MUC4: variants seen among roughly 807,000 people sequenced by gnomAD.
MUC4 encodes mucin-4.
Under a neutral mutation model 257.9 loss-of-function variants are expected in MUC4, and 202 were observed. The observed-to-expected ratio is 0.78, with a 90% CI of 0.70 to 0.88. The LOEUF is 0.88. Ranked by LOEUF, MUC4 falls within the 40% of genes least tolerant of loss-of-function variation. The pLI, the probability that MUC4 is intolerant of heterozygous loss-of-function variation, is 0.00. For synonymous variants in MUC4, 2,351 were observed against 2,757.1 expected, an observed-to-expected ratio of 0.85 and a Z score of 4.62; for missense variants, 5,976 against 6,513.7, an observed-to-expected ratio of 0.92 and a Z score of 2.84.
rs779286090 is a variant in MUC4, at chr3:195,747,018, G to C, written c.*158C>G. 1 of 1,068,790 alleles carries C rather than the reference G, an allele frequency of 9.4e-7. No individual in the cohort carries two copies. Among genetic ancestry groups the C allele is most frequent in the East Asian group, 2.5e-5 (1 of 40,592 alleles). 66.2% of individuals were successfully genotyped at this position (1,068,790 alleles called of 1,614,324 possible). On this transcript the variant is annotated 3_prime_UTR_variant, in exon 25 of 25. Coordinates refer to ENST00000463781, the MANE Select transcript of MUC4 (RefSeq NM_018406.7). ...CCTGTGCACCTGCGCCTATGGATAA[G>C]GTATAGTCTTGTCTTGATTCCCAGT...
At chr3:195,778,698 T>C in intron 2 of MUC4, 92 bp downstream of exon 2, 5 of 1,407,846 alleles carry the variant, frequency 3.6e-6, no homozygotes, top group South Asian at 1.4e-5. Flanking sequence ...CACCAGGTAA[T>C]GCGAATGCAC....
Position 195,767,492 on chromosome 3 carries a change from T to TCACCAC in MUC4, c.13530-742_13530-741insGTGGTG, listed in dbSNP as rs1560260797. 3.6e-4 allele frequency among the ~76,000 whole-genome samples: 23 copies of TCACCAC among 64,060 alleles called. 1 individual carries two copies. The East Asian group carries it at 0.015, about 41-fold the overall frequency. The allele number at this position is 64,060 out of a possible 152,430, so 42.0% of individuals were successfully genotyped here. On this transcript the variant is annotated intron_variant, in intron 7 of 24. Transcript: ENST00000463781. ...ACCACCATCACCATCACCACCACCA[T>TCACCAC]CACCATCACCACCACCATCACCATC...
In MUC4 at chr3:195,801,389, C is replaced by T. The variant is rs77525733; in HGVS notation, c.83-9892G>A. ...TCTACTTCACTGAAAGAACCAAAGC[C>T]GTGCCCTTCATCTCCTTCAATGCCC... On this transcript the variant is annotated intron_variant, in intron 1 of 24. Coordinates refer to ENST00000463781, the MANE Select transcript of MUC4 (RefSeq NM_018406.7). Among the ~76,000 whole-genome samples, 348 of 152,084 alleles carry T rather than the reference C, an allele frequency of 2.3e-3. 2 individuals carry two copies. Among genetic ancestry groups the T allele is most frequent in the African/African-American group, 7.9e-3 (327 of 41,464 alleles).
At chr3:195,773,800 G>C (rs942339351) in intron 4 of MUC4, among the ~76,000 whole-genome samples, 1 of 152,198 alleles carries the variant, frequency 6.6e-6, no homozygotes, top group African/African-American at 2.4e-5. Flanking sequence ...TGCTGTGTTC[G>C]GACTCAGCCT....
At chr3:195,748,768 C>T (rs1715702847) in intron 24 of MUC4, 134 bp downstream of exon 24, 4 of 1,235,178 alleles carry the variant, frequency 3.2e-6, no homozygotes, top group Admixed American at 2.9e-5. Context: ...ACTCACAACT[C>T]TCCTTTTCCA....
intron 3 of MUC4, among the ~76,000 whole-genome samples, chr3:195,776,432 A>ATACCTTCCGCACCCT (rs1724744771): frequency 2.8e-5 from 1 of 35,934 alleles, no homozygotes; most frequent in Non-Finnish European, 5.1e-5. Flanking sequence ...TTCCACACCC[A>ATACCTTCCGCACCCT]TACCTTCCGC....
Position 195,786,335 on chromosome 3 carries a change from C to G in MUC4, c.5245G>C (p.Asp1749His). The G allele has an allele frequency of 2.0e-6, 3 of 1,496,188 alleles. No homozygotes were observed. Among genetic ancestry groups the G allele is most frequent in the South Asian group, 2.4e-5 (2 of 82,004 alleles). The allele number at this position is 1,496,188 out of a possible 1,614,324, so 92.7% of individuals were successfully genotyped here. Residue 1749 changes from aspartate (D) to histidine (H), a missense_variant, in exon 2 of 25, where the codon GAC (aspartate) becomes CAC (histidine). Asp to His is a moderately conservative substitution (Grantham distance 81, BLOSUM62 -1). Transcript: ENST00000463781. ...TGHASPLLVT[D>H]ASSASTGQAT... ...TGACCTGTGGATGCTGAGGAAGCGT[C>G]AGTGACAAGAAGAGGGCTGGCGTGA...
At chr3:195,805,074 T>TTC (rs911263257) in intron 1 of MUC4, among the ~76,000 whole-genome samples, 1 of 151,476 alleles carries the variant, frequency 6.6e-6, no homozygotes, top group African/African-American at 2.4e-5. Flanking sequence ...ATCTTTTTTT[T>TTC]TTTTGAGATG....
rs1228410586 is a variant in MUC4 at position 195,746,773 on chromosome 3, A to C, written c.*403T>G. ...AAGAATGGAATTCCTGGTTTTGGAG[A>C]CACAAAAAGTCAGAGAGACTTTATT... On this transcript the variant is annotated 3_prime_UTR_variant, in exon 25 of 25. Transcript: ENST00000463781. The C allele has an allele frequency of 1.7e-5, 4 of 238,154 alleles. No individual in the cohort carries two copies. Among genetic ancestry groups the C allele is most frequent in the Non-Finnish European group, 2.5e-5 (3 of 121,782 alleles). The allele number at this position is 238,154 out of a possible 1,614,324, so 14.8% of individuals were successfully genotyped here.
At chr3:195,754,188 G>C (rs765735920) in intron 19 of MUC4, 25 bp downstream of exon 19, 32 of 1,596,794 alleles carry the variant, frequency 2.0e-5, no homozygotes, top group Non-Finnish European at 2.5e-5. Context: ...AGAAGCGCCT[G>C]CTCCAGGCCC....
chr3:195,771,957 G>C, intron 4 of MUC4, 141 bp from the exon 5 acceptor site: 1 of 892,280 alleles, frequency 1.1e-6, no homozygotes, highest in Non-Finnish European at 1.7e-6. Context: ...CACCTCCTGT[G>C]TCCTGTTTTG....
chr3:195,790,226 G>T lies in MUC4; in HGVS notation c.1354C>A (p.His452Asn). The change falls in exon 2 of 25, where the codon CAC becomes AAC. Residue 452 changes from histidine to asparagine, a missense_variant. Transcript: ENST00000463781. ...SLPPKISTAF[H>N]TQQSEGAETT... is the part of the protein sequence containing the mutation. ...TCTGCACCTTCACTCTGCTGGGTGT[G>T]GAAAGCTGTGGATATTTTTGGAGGT... The T allele has an allele frequency of 6.2e-7, 1 of 1,614,064 alleles. No homozygotes were observed.
intron 21 of MUC4, 104 bp from the exon 22 acceptor site, chr3:195,751,375 G>T: frequency 4.5e-6 from 4 of 880,240 alleles, no homozygotes; most frequent in Non-Finnish European, 7.4e-6. Flanking sequence ...CTCCTGGAAC[G>T]GGAGCCCCAG....
chr3:195,811,691 A>C, intron 1 of MUC4, 45 bp downstream of exon 1: 2 of 1,585,238 alleles, frequency 1.3e-6, no homozygotes, highest in Non-Finnish European at 1.7e-6. Context: ...CACCTCCCCC[A>C]AGTGCTCCCC....
chr3:195,808,408 G>T (rs1030487637), intron 1 of MUC4, among the ~76,000 whole-genome samples: 4 of 151,850 alleles, frequency 2.6e-5, no homozygotes, highest in African/African-American at 7.3e-5. Flanking sequence ...TGGAGACAGG[G>T]TTGGCCAAGC....
chr3:195,786,548 CGTGACCGGTGG>C lies in MUC4; in HGVS notation c.5021_5031del (p.Ser1674CysfsTer16), dbSNP rs1732049280. 2.0e-6 allele frequency: 3 copies of C among 1,502,660 alleles called. No homozygotes were observed. The African/African-American group carries it at 4.5e-5, about 23-fold the overall frequency. The allele number at this position is 1,502,660 out of a possible 1,614,324, so 93.1% of individuals were successfully genotyped here. A position where few individuals can be genotyped will look rare whatever the true frequency, so the allele number is the denominator to read the frequency against. ...AGGCCGGTGACAGGAAGAGGGGTGG[CGTGACCGGTGG>C]ATGCTGAGGAAGTGCTGGTGACAGG... On this transcript the variant is annotated frameshift_variant, in exon 2 of 25. Coordinates refer to ENST00000463781, the MANE Select transcript of MUC4 (RefSeq NM_018406.7). LOFTEE classifies it high-confidence loss of function.
intron 24 of MUC4, 24 bp from the exon 25 acceptor site, chr3:195,747,404 G>A: frequency 6.2e-7 from 1 of 1,608,592 alleles, no homozygotes; most frequent in Non-Finnish European, 8.5e-7. Context: ...GAGACAGACA[G>A]GCGGTCAGAG....
chr3:195,763,080 G>A, intron 12 of MUC4, 135 bp from the exon 13 acceptor site: 1 of 745,094 alleles, frequency 1.3e-6, no homozygotes, highest in Non-Finnish European at 2.2e-6. Context: ...GCGGCCTGAG[G>A]TGATGCCAGC....
rs142068657 is a variant in MUC4, at chr3:195,750,949, G to C, written c.15811C>G (p.Pro5271Ala). The part of the protein sequence containing the change: ...LYHVPRRSEE[P>A]RNDVVFQPIS... ...GGCTGGAAGACCACGTCGTTCCTGGGCTCCTCACTCCTCCGTGGAACGTGG... is the reference window on the plus strand; with the variant it reads ...GGCTGGAAGACCACGTCGTTCCTGGCCTCCTCACTCCTCCGTGGAACGTGG... The change falls in exon 23 of 25, where the codon CCC (proline) becomes GCC (alanine). Residue 5271 changes from proline to alanine, a missense_variant. Physicochemically the swap from Pro to Ala is conservative, Grantham distance 27. Transcript: ENST00000463781. 182 of 1,614,050 alleles carry C rather than the reference G, an allele frequency of 1.1e-4. No homozygotes were observed. In the African/African-American group the frequency reaches 2.1e-3, roughly 19 times the overall value.
Sources: gnomAD v4.1 joint callset for allele counts (sites outside exome capture counted in the v4.1 genomes callset) on GRCh38, gnomAD v4.1.1 for gene constraint, MANE v1.5 for transcripts, NCBI Gene and HGNC (gene_info 2026-07-23, HGNC 2026-07-21) for gene names.